The following THOC2 variants were observed in gnomAD, a reference collection of about 807,000 sequenced individuals.
THOC2 encodes THO complex 2.
Under a neutral mutation model 128.4 loss-of-function variants are expected in THOC2, and 10 were observed. The ratio of observed to expected loss-of-function variants is 0.08; its 90% confidence interval spans 0.05 to 0.13. The LOEUF is 0.13. Ranked by LOEUF, THOC2 falls within the 10% of genes least tolerant of loss-of-function variation. The pLI, the probability that THOC2 is intolerant of heterozygous loss-of-function variation, is 1.00. For missense variants in THOC2, 535 were observed against 1,155.7 expected (o/e 0.46, Z 7.79); for synonymous variants, 393 against 396.9 (o/e 0.99, Z 0.12).
At chrX:123,694,474 G>GT (rs760578784) in intron 7 of THOC2, among the ~76,000 whole-genome samples, 12 of 110,581 alleles carry the variant, frequency 1.1e-4, no homozygotes, top group Admixed American at 1.9e-4. Flanking sequence ...AATTAGCTGG[G>GT]TGTGTTGGCT....
chrX:123,732,823 C>T, intron 1 of THOC2, 129 bp downstream of exon 1: 1 of 705,843 alleles, frequency 1.4e-6, no homozygotes, highest in Non-Finnish European at 2.2e-6. Context: ...CCTAGACGAC[C>T]ATCCACGCCC....
rs142921807 is a variant in THOC2 at position 123,683,035 on chromosome X, C to G, written c.768+3513G>C. ...TCTCATGCTGTCCCCAAATCCTCTA[C>G]TGTACAAGTTGAGTATCCCTCATCT... On this transcript the variant is annotated intron_variant, in intron 8 of 38. Transcript: ENST00000245838. Among the ~76,000 whole-genome samples, 865 of 111,749 alleles carry G rather than the reference C, an allele frequency of 7.7e-3. 6 individuals carry two copies. The highest frequency in any genetic ancestry group is 0.026 in the African/African-American group (807 of 30,760).
intron 12 of THOC2, among the ~76,000 whole-genome samples, chrX:123,657,012 A>C (rs1004186559): frequency 9.0e-6 from 1 of 111,482 alleles, no homozygotes; most frequent in African/African-American, 3.3e-5. Context: ...TTCCACCTCA[A>C]AAAAAAGGGC....
rs1233264173 is a variant in THOC2, at chrX:123,656,772, G to A, written c.1386+8870C>T. 2.7e-5 allele frequency among the ~76,000 whole-genome samples: 3 copies of A among 111,284 alleles called. No individual in the cohort carries two copies. The Admixed American group carries it at 2.9e-4, about 11-fold the overall frequency. On this transcript the variant is annotated intron_variant, in intron 12 of 38. Transcript: ENST00000245838. ...CGCCTGTAATTCCAGCACTTTGGGA[G>A]GCGGAGGTGGGTAGATCATCTAAGG... is the stretch of plus-strand genomic sequence containing the variant.
At chrX:123,668,406 T>C in intron 9 of THOC2, 92 bp from the exon 10 acceptor site, 1 of 557,460 alleles carries the variant, frequency 1.8e-6, no homozygotes, top group East Asian at 3.9e-5. Context: ...GATAAAACTA[T>C]AAATAAGAAG....
chrX:123,724,247 A>G (rs958315092), intron 1 of THOC2, among the ~76,000 whole-genome samples: 1 of 112,051 alleles, frequency 8.9e-6, no homozygotes, highest in Non-Finnish European at 1.9e-5. Flanking sequence ...ATAACCTTGC[A>G]GCTCACCTCT....
chrX:123,633,383 G>C (rs926681785), intron 20 of THOC2, among the ~76,000 whole-genome samples: 1 of 111,345 alleles, frequency 9.0e-6, no homozygotes, highest in South Asian at 3.8e-4. Context: ...GTAATTATTT[G>C]GTGATTATTT....
intron 25 of THOC2, among the ~76,000 whole-genome samples, chrX:123,625,589 C>T (rs1235004921): frequency 2.8e-5 from 3 of 107,711 alleles, no homozygotes; most frequent in African/African-American, 1.0e-4. Flanking sequence ...TGATACAACA[C>T]GTAAACTCAA....
intron 3 of THOC2, among the ~76,000 whole-genome samples, chrX:123,706,165 A>C (rs2147934087): frequency 9.0e-6 from 1 of 111,668 alleles, no homozygotes; most frequent in Non-Finnish European, 1.9e-5. Flanking sequence ...TATTTTTTAA[A>C]CCATAAGTAA....
intron 38 of THOC2, chrX:123,603,595 G>C: frequency 2.8e-6 from 2 of 721,197 alleles, no homozygotes; most frequent in South Asian, 4.5e-5. Context: ...CAAGAGGATG[G>C]TGGTGTGTAC....
intron 1 of THOC2, among the ~76,000 whole-genome samples, chrX:123,722,950 G>A (rs992295559): frequency 1.7e-4 from 19 of 111,560 alleles, no homozygotes; most frequent in African/African-American, 4.2e-4. Flanking sequence ...AGGCCAAGGC[G>A]GGCGGATCAT....
chrX:123,733,035 A>G lies in THOC2; in HGVS notation c.-13T>C. 2 of 1,207,911 alleles carry G rather than the reference A, an allele frequency of 1.7e-6. No individual in the cohort carries two copies. The highest frequency in any genetic ancestry group is 1.7e-5 in the African/African-American group (1 of 57,723). On this transcript the variant is annotated 5_prime_UTR_variant, in exon 1 of 39. Coordinates refer to ENST00000245838, the MANE Select transcript of THOC2 (RefSeq NM_001081550.2). ...CCGCGGCCGCCATCTTCCTCTCACT[A>G]GTAGCAGAAGCCCGGATGTGTAGCA...
At chrX:123,642,443 A>T (rs866032657) in intron 15 of THOC2, among the ~76,000 whole-genome samples, 17 of 110,636 alleles carry the variant, frequency 1.5e-4, no homozygotes, top group Admixed American at 2.9e-4. Context: ...AAAAAAAAAA[A>T]AAATAAGAAA....
rs111672267 is a variant in THOC2 at position 123,727,245 on chromosome X, TA to T, written c.71+5706del. ...ACTTAGTTAAAAATAAATTTTTTAA[TA>T]AAAAAAAAACAGGTATTCCTTAGTT... On this transcript the variant is annotated intron_variant, in intron 1 of 38. Coordinates refer to ENST00000245838, the MANE Select transcript of THOC2 (RefSeq NM_001081550.2). Among the ~76,000 whole-genome samples, 646 of 104,229 alleles carry T rather than the reference TA, an allele frequency of 6.2e-3. 4 individuals carry two copies. Among genetic ancestry groups the T allele is most frequent in the Middle Eastern group, 0.029 (6 of 207 alleles). 90.5% of individuals were successfully genotyped at this position (104,229 alleles called of 115,157 possible). A position where few individuals can be genotyped will look rare whatever the true frequency, so the allele number is the denominator to read the frequency against.
chrX:123,642,443 A>AT (rs1226269837), intron 15 of THOC2, among the ~76,000 whole-genome samples: 1 of 110,636 alleles, frequency 9.0e-6, no homozygotes, highest in Non-Finnish European at 1.9e-5. Context: ...AAAAAAAAAA[A>AT]AAATAAGAAA....
intron 1 of THOC2, among the ~76,000 whole-genome samples, chrX:123,724,637 A>T (rs964311527): frequency 8.9e-6 from 1 of 111,781 alleles, no homozygotes; most frequent in Admixed American, 9.5e-5. Context: ...GTGAGCCAAG[A>T]CTGCATCACC....
chrX:123,683,304 G>A (rs1372653569), intron 8 of THOC2, among the ~76,000 whole-genome samples: 1 of 110,725 alleles, frequency 9.0e-6, no homozygotes, highest in African/African-American at 3.3e-5. Context: ...GAAAAAAAAA[G>A]AAGCCTATTA....
At chrX:123,695,135 A>C (rs2147897890) in intron 7 of THOC2, among the ~76,000 whole-genome samples, 1 of 111,574 alleles carries the variant, frequency 9.0e-6, no homozygotes, top group Admixed American at 9.5e-5. Flanking sequence ...ATAAACTCCA[A>C]AAAAAGAGAA....
chrX:123,697,431 C>T (rs1274985665), intron 5 of THOC2, among the ~76,000 whole-genome samples: 2 of 112,284 alleles, frequency 1.8e-5, no homozygotes, highest in African/African-American at 3.2e-5. Context: ...TTCTTAGGAA[C>T]TTACTAGGTC....
Sources: allele counts gnomAD v4.1 joint callset (sites outside exome capture counted in the v4.1 genomes callset), GRCh38; gene constraint gnomAD v4.1.1; transcripts MANE v1.5; gene names NCBI Gene and HGNC (gene_info 2026-07-23, HGNC 2026-07-21).